The following ADGRL2 variants were observed in gnomAD, a reference collection of about 807,000 sequenced individuals.
ADGRL2 encodes calcium-independent alpha-latrotoxin receptor 2.
Under a neutral mutation model 157.4 loss-of-function variants are expected in ADGRL2, and 44 were observed. The ratio of observed to expected loss-of-function variants is 0.28; its 90% CI spans 0.22 to 0.36. ADGRL2 has a LOEUF of 0.36. Ranked by LOEUF, ADGRL2 falls within the 10% of genes least tolerant of loss-of-function variation. The probability of loss-of-function intolerance (pLI) is 1.00; values close to 1 mark genes in which losing one functional copy is unlikely to be tolerated. For synonymous variants in ADGRL2, 585 were observed against 624.7 expected, an observed-to-expected ratio of 0.94 and a Z score of 0.95; for missense variants, 1,510 against 1,768.9, an observed-to-expected ratio of 0.85 and a Z score of 2.63.
At chr1:81,553,157 C>T (rs2080192027) in intron 2 of ADGRL2, among the ~76,000 whole-genome samples, 1 of 151,912 alleles carries the variant, frequency 6.6e-6, no homozygotes, top group South Asian at 2.1e-4. Context: ...CTGAAAAACA[C>T]ATAAAAATTT....
Position 81,389,646 on chromosome 1 carries a change from T to G in ADGRL2, c.-301-55390T>G, listed in dbSNP as rs192347872. Reference sequence around the variant, plus strand: ...TGCGTCCCATGTATCATTTACCTGCTGAATGGTCTTGGGAAAGTCATCTAA... The same window carrying G: ...TGCGTCCCATGTATCATTTACCTGCGGAATGGTCTTGGGAAAGTCATCTAA... On this transcript the variant is annotated intron_variant, in intron 1 of 24. Transcript: ENST00000370721. 9.2e-5 allele frequency among the ~76,000 whole-genome samples: 14 copies of G among 152,324 alleles called. No homozygotes were observed. The East Asian group carries it at 2.7e-3, about 29-fold the overall frequency.
chr1:81,393,921 C>CT (rs1230537118), intron 1 of ADGRL2, among the ~76,000 whole-genome samples: 5 of 148,428 alleles, frequency 3.4e-5, no homozygotes, highest in Admixed American at 2.7e-4. Flanking sequence ...ATAGAATTTA[C>CT]TGATATTTGA....
Position 81,449,445 on chromosome 1 carries a change from G to A in ADGRL2, c.-248+4356G>A, listed in dbSNP as rs866463045. On this transcript the variant is annotated intron_variant, in intron 2 of 24. Transcript: ENST00000370721. The stretch of plus-strand genomic sequence containing the variant: ...TCACTCTTGCACATTCAGTGAAAGT[G>A]CCAATAGGCATCCCACCAAAATCCC... 9.2e-5 allele frequency among the ~76,000 whole-genome samples: 14 copies of A among 152,334 alleles called. No homozygotes were observed. The South Asian group carries it at 2.9e-3, about 32-fold the overall frequency.
At chr1:81,497,446 G>A (rs1485367529) in intron 2 of ADGRL2, among the ~76,000 whole-genome samples, 3 of 151,876 alleles carry the variant, frequency 2.0e-5, no homozygotes, top group African/African-American at 4.8e-5. Flanking sequence ...GTTCATTCAA[G>A]GATGTCTTTA....
At chr1:81,881,524 A>G (rs1180920740) in intron 2 of ADGRL2, among the ~76,000 whole-genome samples, 1 of 152,166 alleles carries the variant, frequency 6.6e-6, no homozygotes, top group African/African-American at 2.4e-5. Context: ...GTTTAATCAA[A>G]AGTTGTTACA....
chr1:81,432,338 T>C (rs1054535941), intron 1 of ADGRL2, among the ~76,000 whole-genome samples: 13 of 152,228 alleles, frequency 8.5e-5, no homozygotes, highest in African/African-American at 2.7e-4. Flanking sequence ...GTAAAATCCT[T>C]GATCAGCAAG....
chr1:81,455,035 T>C (rs1279332785), intron 2 of ADGRL2, among the ~76,000 whole-genome samples: 2 of 152,178 alleles, frequency 1.3e-5, no homozygotes, highest in East Asian at 3.9e-4. Context: ...CTAACTTGCT[T>C]CCCTCTTGCT....
chr1:81,743,024 T>G (rs1250173166), intron 1 of ADGRL2, among the ~76,000 whole-genome samples: 1 of 152,158 alleles, frequency 6.6e-6, no homozygotes, highest in African/African-American at 2.4e-5. Flanking sequence ...TAGAGAATTT[T>G]TTTTTTAAGG....
intron 1 of ADGRL2, among the ~76,000 whole-genome samples, chr1:81,377,952 G>C (rs890323416): frequency 6.6e-6 from 1 of 152,060 alleles, no homozygotes; most frequent in South Asian, 2.1e-4. Flanking sequence ...AGGCTGAGGT[G>C]GGCAGATCAC....
In ADGRL2 at chr1:81,950,251, A is replaced by G. The variant is rs1557980291; in HGVS notation, c.1273A>G (p.Thr425Ala). 6.2e-7 allele frequency: 1 copy of G among 1,614,090 alleles called. No individual in the cohort carries two copies. Among genetic ancestry groups the G allele is most frequent in the Non-Finnish European group, 8.5e-7 (1 of 1,179,966 alleles). ...AELFKTIIST[T>A]STTSQKGPMS... ...GCTGTTCAAAACCATAATATCAACC[A>G]CAAGCACTACTTCACAGAAAGGCCC... The change falls in exon 7 of 24, where the codon ACA (threonine) becomes GCA (alanine). Residue 425 changes from threonine to alanine, a missense_variant. Physicochemically the swap from Thr to Ala is moderately conservative, Grantham distance 58. This residue lies in a region of ADGRL2 where 325 missense variants were observed against 333.2 expected (regional missense o/e 0.98). Transcript: ENST00000686636.
At chr1:81,722,524 A>G in intron 1 of ADGRL2, 2 of 1,555,574 alleles carry the variant, frequency 1.3e-6, no homozygotes, top group Non-Finnish European at 1.7e-6. Context: ...GAGCCATGAA[A>G]TAAATCCTGA....
intron 1 of ADGRL2, among the ~76,000 whole-genome samples, chr1:81,399,620 C>A (rs529588948): frequency 6.6e-6 from 1 of 152,234 alleles, no homozygotes; most frequent in African/African-American, 2.4e-5. Flanking sequence ...TTCAGCTGCA[C>A]AATTTCTGTT....
chr1:81,402,351 T>C (rs1269616427), intron 1 of ADGRL2, among the ~76,000 whole-genome samples: 3 of 151,926 alleles, frequency 2.0e-5, no homozygotes, highest in Admixed American at 6.6e-5. Flanking sequence ...CTCTCCAGAG[T>C]TCAACAGAGA....
intron 3 of ADGRL2, among the ~76,000 whole-genome samples, chr1:81,615,335 C>T (rs577106863): frequency 1.0e-3 from 159 of 152,348 alleles, no homozygotes; most frequent in Middle Eastern, 6.8e-3. Context: ...GAGCCAGCAG[C>T]GGCAACCCAC....
intron 3 of ADGRL2, among the ~76,000 whole-genome samples, chr1:81,921,200 A>G (rs2094969926): frequency 6.6e-6 from 1 of 152,170 alleles, no homozygotes; most frequent in Admixed American, 6.5e-5. Flanking sequence ...GTCATATCAA[A>G]TATGCTTAAG....
At chr1:81,714,128 T>A (rs768740575) in intron 1 of ADGRL2, among the ~76,000 whole-genome samples, 12 of 152,060 alleles carry the variant, frequency 7.9e-5, no homozygotes, top group Non-Finnish European at 1.8e-4. Context: ...TTCCATTACC[T>A]CCCACCAGGT....
intron 1 of ADGRL2, among the ~76,000 whole-genome samples, chr1:81,405,039 C>T (rs2076828586): frequency 6.6e-6 from 1 of 152,094 alleles, no homozygotes; most frequent in African/African-American, 2.4e-5. Context: ...TACATAAATT[C>T]ATCTTTCATT....
intron 3 of ADGRL2, among the ~76,000 whole-genome samples, chr1:81,910,207 C>A (rs2094684050): frequency 6.7e-6 from 1 of 150,060 alleles, no homozygotes; most frequent in Admixed American, 6.7e-5. Flanking sequence ...CCACTGAACT[C>A]CAACCTGGGC....
intron 1 of ADGRL2, among the ~76,000 whole-genome samples, chr1:81,747,245 A>G (rs182794726): frequency 2.1e-3 from 316 of 147,890 alleles, no homozygotes; most frequent in African/African-American, 7.3e-3. Context: ...ATATATATGT[A>G]TATGTGTGTA....
Sources: allele counts gnomAD v4.1 joint callset (sites outside exome capture counted in the v4.1 genomes callset), GRCh38; gene constraint gnomAD v4.1.1; regional missense constraint gnomAD v4.1.1; transcripts MANE v1.5; gene names NCBI Gene and HGNC (gene_info 2026-07-23, HGNC 2026-07-21).